Variants in PDE11A observed in about 807,000 individuals in gnomAD.
PDE11A encodes the protein dual 3',5'-cyclic-AMP and -GMP phosphodiesterase 11A.
Under a neutral mutation model 100.5 loss-of-function variants are expected in PDE11A, and 100 were observed. The ratio of observed to expected loss-of-function variants is 1.00; its 90% CI spans 0.85 to 1.18. The LOEUF is 1.18. PDE11A is among the 50% of genes most tolerant of loss of function. The probability of loss-of-function intolerance (pLI) is 0.00; values close to 1 mark genes in which losing one functional copy is unlikely to be tolerated. For missense variants in PDE11A, 1,141 were observed against 1,152.6 expected, an observed-to-expected ratio of 0.99 and a Z score of 0.15; for synonymous variants, 381 against 420.8, an observed-to-expected ratio of 0.91 and a Z score of 1.16.
chr2:177,715,683 T>A (rs1450553331), intron 12 of PDE11A, among the ~76,000 whole-genome samples: 1 of 152,232 alleles, frequency 6.6e-6, no homozygotes, highest in Non-Finnish European at 1.5e-5. Context: ...TATAATAGCA[T>A]GCTATTCTTC....
intron 1 of PDE11A, among the ~76,000 whole-genome samples, chr2:178,063,054 A>G (rs2086993307): frequency 6.6e-6 from 1 of 152,184 alleles, no homozygotes. Context: ...AAAATTTTTA[A>G]TATTTTGACA....
At chr2:177,956,159 A>C (rs2085559399) in intron 2 of PDE11A, among the ~76,000 whole-genome samples, 1 of 152,144 alleles carries the variant, frequency 6.6e-6, no homozygotes, top group Non-Finnish European at 1.5e-5. Context: ...CAACCTACTC[A>C]TCTGACAAAG....
chr2:177,948,696 G>C (rs2105781336), intron 2 of PDE11A, among the ~76,000 whole-genome samples: 1 of 152,286 alleles, frequency 6.6e-6, no homozygotes, highest in East Asian at 1.9e-4. Context: ...TTGAGTCCAG[G>C]AGTTTAGAAT....
chr2:177,656,119 G>C (rs1574102617), intron 19 of PDE11A, among the ~76,000 whole-genome samples: 1 of 152,136 alleles, frequency 6.6e-6, no homozygotes, highest in African/African-American at 2.4e-5. Flanking sequence ...TTATGGGCAG[G>C]AATATAACAG....
intron 1 of PDE11A, among the ~76,000 whole-genome samples, chr2:178,032,517 A>C (rs546402913): frequency 6.6e-6 from 1 of 152,018 alleles, no homozygotes; most frequent in East Asian, 1.9e-4. Context: ...GTTTTCCATT[A>C]AGAATGAAAA....
At chr2:177,674,058 G>A (rs1034691209) in intron 17 of PDE11A, among the ~76,000 whole-genome samples, 3 of 152,134 alleles carry the variant, frequency 2.0e-5, no homozygotes, top group Non-Finnish European at 4.4e-5. Flanking sequence ...CTGTGGATAC[G>A]CTTGCATCAT....
intron 15 of PDE11A, among the ~76,000 whole-genome samples, chr2:177,684,744 G>A (rs1026261956): frequency 6.6e-6 from 1 of 152,220 alleles, no homozygotes; most frequent in African/African-American, 2.4e-5. Flanking sequence ...AGATTGCCTG[G>A]CAAAATTAGG....
intron 1 of PDE11A, among the ~76,000 whole-genome samples, chr2:178,106,831 A>C (rs1342559236): frequency 2.0e-5 from 3 of 151,764 alleles, no homozygotes; most frequent in Non-Finnish European, 4.4e-5. Flanking sequence ...GTGGTGGTGC[A>C]TGCCTGTAGT....
intron 19 of PDE11A, among the ~76,000 whole-genome samples, chr2:177,634,750 T>C (rs1047738676): frequency 2.0e-4 from 30 of 152,194 alleles, no homozygotes; most frequent in African/African-American, 6.3e-4. Flanking sequence ...TATGGAACTA[T>C]TAAAATACTA....
Position 177,690,644 on chromosome 2 carries a change from G to A in PDE11A, c.2345+6688C>T, listed in dbSNP as rs116096488. On this transcript the variant is annotated intron_variant, in intron 15 of 19. Transcript: ENST00000286063. ...AAATGCTATTTACTGCATCCCTTTC[G>A]AGAGACAAATACAAAGAAACCATCA... 7.3e-3 allele frequency among the ~76,000 whole-genome samples: 1,109 copies of A among 152,276 alleles called. 6 individuals carry two copies. Among genetic ancestry groups the A allele is most frequent in the African/African-American group, 0.025 (1,055 of 41,552 alleles).
intron 19 of PDE11A, among the ~76,000 whole-genome samples, chr2:177,635,429 T>C (rs1289132516): frequency 6.6e-6 from 1 of 152,172 alleles, no homozygotes; most frequent in African/African-American, 2.4e-5. Context: ...CTCGGATACT[T>C]GCCCCACTAT....
intron 12 of PDE11A, among the ~76,000 whole-genome samples, chr2:177,717,954 C>T (rs1214855231): frequency 6.6e-6 from 1 of 152,130 alleles, no homozygotes; most frequent in Non-Finnish European, 1.5e-5. Flanking sequence ...AGAAAAATGA[C>T]TGTTACTTTG....
At chr2:177,679,615 A>T (rs73979517) in intron 16 of PDE11A, among the ~76,000 whole-genome samples, 5,707 of 152,250 alleles carry the variant, frequency 0.037, 348 homozygotes, top group African/African-American at 0.13. Context: ...TAAAAATTAT[A>T]CAAAAAGAAA....
At chr2:178,040,314 C>T (rs1249591676) in intron 1 of PDE11A, among the ~76,000 whole-genome samples, 2 of 152,172 alleles carry the variant, frequency 1.3e-5, no homozygotes, top group East Asian at 3.9e-4. Context: ...CCTCGGCTTC[C>T]CAAAGTGCTA....
intron 6 of PDE11A, among the ~76,000 whole-genome samples, chr2:177,831,903 G>A (rs898154701): frequency 1.3e-5 from 2 of 152,190 alleles, no homozygotes; most frequent in African/African-American, 2.4e-5. Flanking sequence ...TATGTCTTAA[G>A]GATTGGTGCG....
chr2:177,906,883 GT>G (rs996812155), intron 2 of PDE11A, among the ~76,000 whole-genome samples: 3 of 152,150 alleles, frequency 2.0e-5, no homozygotes, highest in Non-Finnish European at 2.9e-5. Context: ...TGGAGGTTTT[GT>G]TTTTGGCTCA....
In PDE11A at chr2:177,932,887, C is replaced by T. The variant is rs184555876; in HGVS notation, c.1072-27700G>A. Among the ~76,000 whole-genome samples the T allele has an allele frequency of 9.3e-4, 141 of 151,322 alleles. 3 individuals are homozygous for T. The highest frequency in any genetic ancestry group is 5.6e-4 in the African/African-American group (23 of 41,312). On this transcript the variant is annotated intron_variant, in intron 2 of 19. Transcript: ENST00000286063. Reference sequence around the variant, plus strand: ...AAGAAGAAGTCAAACTATCTCTTTTCGCTAATGATATGATTCTATACTTAG... The same window carrying T: ...AAGAAGAAGTCAAACTATCTCTTTTTGCTAATGATATGATTCTATACTTAG...
chr2:177,741,329 G>A (rs1003403760), intron 10 of PDE11A, among the ~76,000 whole-genome samples: 3 of 152,122 alleles, frequency 2.0e-5, no homozygotes, highest in African/African-American at 7.2e-5. Context: ...TAGGACACTA[G>A]TCATTGGATT....
chr2:177,658,704 T>A (rs2080428569), intron 19 of PDE11A, among the ~76,000 whole-genome samples: 1 of 139,858 alleles, frequency 7.2e-6, no homozygotes, highest in African/African-American at 2.6e-5. Context: ...GGAAACTAAC[T>A]GATTTGAGTG....
Sources: gnomAD v4.1 joint callset for allele counts (sites outside exome capture counted in the v4.1 genomes callset) on GRCh38, gnomAD v4.1.1 for gene constraint, MANE v1.5 for transcripts, NCBI Gene and HGNC (gene_info 2026-07-23, HGNC 2026-07-21) for gene names.